The following NFATC2IP variants were observed in gnomAD, a reference collection of about 807,000 sequenced individuals.
NFATC2IP encodes the protein nuclear factor of activated T cells 2 interacting protein.
NFATC2IP carries 25 observed loss-of-function variants against 40.2 expected under a neutral mutation model. The ratio of observed to expected loss-of-function variants is 0.62; its 90% confidence interval spans 0.45 to 0.87. The LOEUF is 0.87. Among genes scored for constraint, NFATC2IP ranks in the 40% least tolerant of loss-of-function variants. The probability of loss-of-function intolerance (pLI) is 0.00; values close to 1 mark genes in which losing one functional copy is unlikely to be tolerated. For missense variants in NFATC2IP, 553 were observed against 555.6 expected (o/e 1.00, Z 0.05); for synonymous variants, 241 against 236.3 (o/e 1.02, Z -0.18).
intron 3 of NFATC2IP, 125 bp from the exon 4 acceptor site, chr16:28,955,853 T>C: frequency 1.3e-6 from 1 of 770,180 alleles, no homozygotes; most frequent in Non-Finnish European, 2.2e-6. Flanking sequence ...CCTCCAAAAG[T>C]GCTGGGATTA....
intron 3 of NFATC2IP, among the ~76,000 whole-genome samples, chr16:28,955,376 A>G (rs987920998): frequency 2.6e-5 from 4 of 152,206 alleles, no homozygotes; most frequent in Admixed American, 1.3e-4. Flanking sequence ...CAGGAGTTCA[A>G]GACCAGCCTG....
At chr16:28,955,893 T>C (rs1184661159) in intron 3 of NFATC2IP, 85 bp from the exon 4 acceptor site, 2 of 1,117,044 alleles carry the variant, frequency 1.8e-6, no homozygotes, top group Admixed American at 1.7e-5. Flanking sequence ...CCGACTATGC[T>C]TGATTGTCCA....
At chr16:28,955,172 T>G (rs546022091) in intron 3 of NFATC2IP, among the ~76,000 whole-genome samples, 1 of 152,136 alleles carries the variant, frequency 6.6e-6, no homozygotes, top group East Asian at 1.9e-4. Flanking sequence ...CCAGCCTGGG[T>G]GACAGAGTGA....
intron 2 of NFATC2IP, among the ~76,000 whole-genome samples, chr16:28,953,078 C>CT (rs201703534): frequency 0.015 from 2,267 of 151,082 alleles, 51 homozygotes; most frequent in African/African-American, 0.051. Flanking sequence ...AGGCGAGTTT[C>CT]TTTTTTCTTG....
chr16:28,965,699 G>A lies in NFATC2IP; in HGVS notation c.*1836G>A, dbSNP rs7500321. ...AGAGCAAGGCTCCACTCAAAAAAAA[G>A]ATTTAAAGGGGAAAAAATTGAAATT... On this transcript the variant is annotated 3_prime_UTR_variant, in exon 8 of 8. Transcript: ENST00000320805. 0.77 allele frequency: 116,071 copies of A among 151,676 alleles called. 45,329 individuals carry two copies. Among genetic ancestry groups the A allele is most frequent in the East Asian group, 0.92 (4,723 of 5,156 alleles). The allele number at this position is 151,676 out of a possible 1,614,324, so 9.4% of individuals were successfully genotyped here. A position where few individuals can be genotyped will look rare whatever the true frequency, so the allele number is the denominator to read the frequency against.
rs1447506354 is a variant in NFATC2IP at position 28,954,601 on chromosome 16, AG to A, written c.500del (p.Gly167AlafsTer13). ...ELADSSGLYHEGSPSPGSPWK... is the reference protein window; with the variant it reads ...ELADSSGLYHXGSPSPGSPWK... Reference sequence around the variant, plus strand: ...GCAGATTCGAGTGGTCTCTACCATGAGGGCTCCCCATCACCAGGCTCTCCCT... The same window carrying A: ...GCAGATTCGAGTGGTCTCTACCATGAGGCTCCCCATCACCAGGCTCTCCCT... On this transcript the variant is annotated frameshift_variant, in exon 3 of 8. Coordinates refer to ENST00000320805, the MANE Select transcript of NFATC2IP (RefSeq NM_032815.4). LOFTEE classifies it high-confidence loss of function. 2 of 1,613,904 alleles carry A rather than the reference AG, an allele frequency of 1.2e-6. No individual in the cohort carries two copies. Among genetic ancestry groups the A allele is most frequent in the Non-Finnish European group, 1.7e-6 (2 of 1,179,866 alleles).
At chr16:28,962,990 G>A (rs1171352488) in intron 7 of NFATC2IP, among the ~76,000 whole-genome samples, 2 of 152,224 alleles carry the variant, frequency 1.3e-5, no homozygotes, top group African/African-American at 4.8e-5. Flanking sequence ...TTTGAGACCA[G>A]CTTGGGCAAC....
At position 28,964,205 on chromosome 16, in the gene NFATC2IP, T is replaced by C; in HGVS notation, c.*342T>C. ...CTGCTTTATGAAACTATGCACATAT[T>C]GAAAGTGAGTTGAAACAAATGAGGG... is the stretch of plus-strand genomic sequence containing the variant. On this transcript the variant is annotated 3_prime_UTR_variant, in exon 8 of 8. Coordinates refer to ENST00000320805, the MANE Select transcript of NFATC2IP (RefSeq NM_032815.4). The C allele has an allele frequency of 4.3e-6, 1 of 234,552 alleles. No homozygotes were observed. Among genetic ancestry groups the C allele is most frequent in the Admixed American group, 4.9e-5 (1 of 20,390 alleles). 14.5% of individuals were successfully genotyped at this position (234,552 alleles called of 1,614,324 possible). A position where few individuals can be genotyped will look rare whatever the true frequency, so the allele number is the denominator to read the frequency against.
intron 7 of NFATC2IP, among the ~76,000 whole-genome samples, chr16:28,962,079 T>C (rs1965094851): frequency 6.6e-6 from 1 of 151,716 alleles, no homozygotes. Context: ...AATTTTTTAA[T>C]TTTTTTTGTG....
At position 28,952,388 on chromosome 16, in the gene NFATC2IP, A is replaced by G. The variant is rs1048341629; in HGVS notation, c.460+184A>G. Reference sequence around the variant, plus strand: ...AAGCATAGAATGTATTAATGTATACATTTCTGGTGCCACCTGAAGAGATGC... The same window carrying G: ...AAGCATAGAATGTATTAATGTATACGTTTCTGGTGCCACCTGAAGAGATGC... On this transcript the variant is annotated intron_variant, in intron 2 of 7. Coordinates refer to ENST00000320805, the MANE Select transcript of NFATC2IP (RefSeq NM_032815.4). 5.3e-6 allele frequency: 5 copies of G among 937,556 alleles called. No individual in the cohort carries two copies. The Admixed American group carries it at 1.5e-4, about 29-fold the overall frequency. 58.1% of individuals were successfully genotyped at this position (937,556 alleles called of 1,614,324 possible).
At chr16:28,963,597 G>A in intron 7 of NFATC2IP, 108 bp from the exon 8 acceptor site, 1 of 957,306 alleles carries the variant, frequency 1.0e-6, no homozygotes, top group East Asian at 2.4e-5. Context: ...TGACTTTATT[G>A]TTTCCGCCCC....
rs1442086814 is a variant in NFATC2IP, at chr16:28,951,260, G to A, written c.249G>A (p.Ala83=). ...CCCCGGAGCCCCCGGGGCCGGTCGCGTCCCGGGATAACAGCAACAGTGACA... is the reference window on the plus strand; with the variant it reads ...CCCCGGAGCCCCCGGGGCCGGTCGCATCCCGGGATAACAGCAACAGTGACA... The part of the protein sequence containing the change: ...VEPPEPPGPV[A]SRDNSNSDSE... The change falls in exon 1 of 8, where the codon GCG becomes GCA. Residue 83 remains alanine, a synonymous_variant. Transcript: ENST00000320805. The A allele has an allele frequency of 1.3e-5, 19 of 1,483,190 alleles. No individual in the cohort carries two copies. The Admixed American group carries it at 4.1e-4, about 32-fold the overall frequency. 91.9% of individuals were successfully genotyped at this position (1,483,190 alleles called of 1,614,324 possible). A position where few individuals can be genotyped will look rare whatever the true frequency, so the allele number is the denominator to read the frequency against.
Position 28,966,712 on chromosome 16 carries a change from T to C in NFATC2IP, c.*2849T>C, listed in dbSNP as rs1038389762. On this transcript the variant is annotated 3_prime_UTR_variant, in exon 8 of 8. Coordinates refer to ENST00000320805, the MANE Select transcript of NFATC2IP (RefSeq NM_032815.4). ...AGGCAGAGGTTGCAGTGAGCCAAGA[T>C]CGCGCCATTGCACTCCAGCCTGGGC... 7 of 148,378 alleles carry C rather than the reference T, an allele frequency of 4.7e-5. No homozygotes were observed. Among genetic ancestry groups the C allele is most frequent in the African/African-American group, 1.5e-4 (6 of 39,858 alleles). 9.2% of individuals were successfully genotyped at this position (148,378 alleles called of 1,614,324 possible).
chr16:28,964,712 G>A lies in NFATC2IP; in HGVS notation c.*849G>A, dbSNP rs1965125880. The A allele has an allele frequency of 6.6e-6, 1 of 152,292 alleles. No homozygotes were observed. The highest frequency in any genetic ancestry group is 1.5e-5 in the Non-Finnish European group (1 of 68,044). The allele number at this position is 152,292 out of a possible 1,614,324, so 9.4% of individuals were successfully genotyped here. The stretch of plus-strand genomic sequence containing the variant: ...AATATGTGCTTTTACTGTACATAGT[G>A]CTATTGTGCAATAGGTCTTATGCTG... On this transcript the variant is annotated 3_prime_UTR_variant, in exon 8 of 8. Coordinates refer to ENST00000320805, the MANE Select transcript of NFATC2IP (RefSeq NM_032815.4).
chr16:28,955,000 T>C (rs1286627529), intron 3 of NFATC2IP, among the ~76,000 whole-genome samples: 2 of 151,942 alleles, frequency 1.3e-5, no homozygotes, highest in Non-Finnish European at 2.9e-5. Flanking sequence ...TTTTATAGCC[T>C]GGGAAACATA....
chr16:28,958,732 A>T lies in NFATC2IP; in HGVS notation c.862A>T (p.Ser288Cys), dbSNP rs536656003. The part of the protein sequence containing the change: ...LPLRMSEPLQ[S>C]VVDHMATHLG... ...CCATCCCTAGTCGGAGCCCCTGCAG[A>T]GTGTGGTGGACCACATGGCCACCCA... The change falls in exon 6 of 8, where the codon AGT becomes TGT. Residue 288 changes from serine (S) to cysteine (C), a missense_variant. Transcript: ENST00000320805. 23 of 1,612,804 alleles carry T rather than the reference A, an allele frequency of 1.4e-5. No individual in the cohort carries two copies. The highest frequency in any genetic ancestry group is 3.3e-4 in the Middle Eastern group (2 of 6,044).
Position 28,951,140 on chromosome 16 carries a change from G to A in NFATC2IP, c.129G>A (p.Leu43=), listed in dbSNP as rs530962398. ...AGCGGTCTCCATCCCGGGGCACGCT[G>A]GACGTAGTGTCTGTGGACTTGGTCA... ...RAQRSPSRGT[L]DVVSVDLVTD... Residue 43 remains leucine, a synonymous_variant, in exon 1 of 8, where the codon CTG becomes CTA. Coordinates refer to ENST00000320805, the MANE Select transcript of NFATC2IP (RefSeq NM_032815.4). 3.5e-4 allele frequency: 540 copies of A among 1,547,184 alleles called. No homozygotes were observed. The highest frequency in any genetic ancestry group is 9.6e-4 in the Admixed American group (49 of 50,794).
rs199725742 is a variant in NFATC2IP, at chr16:28,958,765, G to T, written c.895G>T (p.Val299Leu). Residue 299 changes from valine (V) to leucine (L), a missense_variant, in exon 6 of 8, where the codon GTG (valine) becomes TTG (leucine). Physicochemically the swap from Val to Leu is conservative, Grantham distance 32. Coordinates refer to ENST00000320805, the MANE Select transcript of NFATC2IP (RefSeq NM_032815.4). ...VVDHMATHLGVSPSRILLLFG... is the reference protein window; with the variant it reads ...VVDHMATHLGLSPSRILLLFG... ...GGACCACATGGCCACCCACCTTGGG[G>T]TGTCCCCAAGCAGGATCCTTTTGCT... is the stretch of plus-strand genomic sequence containing the variant. 6.2e-7 allele frequency: 1 copy of T among 1,614,022 alleles called. No homozygotes were observed. The highest frequency in any genetic ancestry group is 1.3e-5 in the African/African-American group (1 of 75,026).
Position 28,950,943 on chromosome 16 carries a change from G to T in NFATC2IP, c.-69G>T. The T allele has an allele frequency of 1.4e-6, 2 of 1,418,018 alleles. No individual in the cohort carries two copies. Among genetic ancestry groups the T allele is most frequent in the Non-Finnish European group, 1.8e-6 (2 of 1,092,192 alleles). 87.8% of individuals were successfully genotyped at this position (1,418,018 alleles called of 1,614,324 possible). A position where few individuals can be genotyped will look rare whatever the true frequency, so the allele number is the denominator to read the frequency against. ...GAGCAGGCTGTTTGTCCAATGCAAG[G>T]CGAAAGTCGCTGAAGGGGGCGGGGC... On this transcript the variant is annotated 5_prime_UTR_variant, in exon 1 of 8. Transcript: ENST00000320805.
Sources: gnomAD v4.1 joint callset for allele counts (sites outside exome capture counted in the v4.1 genomes callset) on GRCh38, gnomAD v4.1.1 for gene constraint, MANE v1.5 for transcripts, NCBI Gene and HGNC (gene_info 2026-07-23, HGNC 2026-07-21) for gene names.